SV2B: variants seen among roughly 807,000 people sequenced by gnomAD.
SV2B encodes the protein solute carrier family 22 member B2.
SV2B carries 41 observed loss-of-function variants against 73.9 expected under a neutral mutation model. The observed-to-expected ratio is 0.56, with a 90% CI of 0.43 to 0.72. The LOEUF (loss-of-function observed/expected upper bound fraction) is 0.72. Among genes scored for constraint, SV2B ranks in the 30% least tolerant of loss-of-function variants. SV2B has a pLI of 0.00. For missense variants in SV2B, 764 were observed against 857.8 expected, an observed-to-expected ratio of 0.89 and a Z score of 1.37; for synonymous variants, 314 against 314.2, an observed-to-expected ratio of 1.00 and a Z score of 0.01.
chr15:91,183,624 A>G (rs1006814255), intron 1 of SV2B, among the ~76,000 whole-genome samples: 1 of 152,202 alleles, frequency 6.6e-6, no homozygotes, highest in African/African-American at 2.4e-5. Flanking sequence ...CCCATAGCCT[A>G]AGTTCCCCTG....
chr15:91,266,500 A>C, intron 6 of SV2B, 82 bp from the exon 7 acceptor site: 1 of 1,109,036 alleles, frequency 9.0e-7, no homozygotes, highest in Non-Finnish European at 1.3e-6. Context: ...AAATCAGTTT[A>C]AATAGTTACA....
rs2042227558 is a variant in SV2B, at chr15:91,118,030, C to T, written c.-392+17667C>T. 1.3e-5 allele frequency among the ~76,000 whole-genome samples: 2 copies of T among 152,088 alleles called. No individual in the cohort carries two copies. The highest frequency in any genetic ancestry group is 1.3e-4 in the Admixed American group (2 of 15,274). On this transcript the variant is annotated intron_variant, in intron 1 of 12. Coordinates refer to ENST00000394232, the MANE Select transcript of SV2B (RefSeq NM_001323032.3). The surrounding 1 kb of genome is among the most constrained non-coding windows in gnomAD (Gnocchi z 4.7). ...GGCTTTGGGACCCACAACTCTAAGC[C>T]CCTGGGTCTATGTAAGTAGAGGGAT...
rs2048767813 is a variant in SV2B, at chr15:91,283,938, G to A, written c.1508-83G>A. The A allele has an allele frequency of 1.8e-5, 25 of 1,416,614 alleles. No homozygotes were observed. In the South Asian group the frequency reaches 3.0e-4, roughly 17 times the overall value. The allele number at this position is 1,416,614 out of a possible 1,614,324, so 87.8% of individuals were successfully genotyped here. ...GCTGGCACAGCCTGCCTACAGGAGG[G>A]GGCAGACTTCATCCCTGCCTCTGCC... On this transcript the variant is annotated intron_variant, in intron 10 of 12. Coordinates refer to ENST00000394232, the MANE Select transcript of SV2B (RefSeq NM_001323032.3). This position sits in a 1 kb window ranked among gnomAD's most constrained non-coding sequence, Gnocchi z 4.3.
intron 2 of SV2B, among the ~76,000 whole-genome samples, chr15:91,250,819 A>T (rs1223963093): frequency 6.6e-6 from 1 of 152,218 alleles, no homozygotes; most frequent in Non-Finnish European, 1.5e-5. Flanking sequence ...ACACAAATAG[A>T]TGGAAAGATA....
intron 1 of SV2B, among the ~76,000 whole-genome samples, chr15:91,207,826 A>G (rs939662739): frequency 5.3e-5 from 8 of 152,190 alleles, no homozygotes; most frequent in African/African-American, 1.9e-4. Context: ...GAACTTAACA[A>G]GGCCTGTTCA....
chr15:91,223,611 C>T lies in SV2B; in HGVS notation c.-391-2262C>T, dbSNP rs757467924. Among the ~76,000 whole-genome samples, 4 of 152,156 alleles carry T rather than the reference C, an allele frequency of 2.6e-5. No individual in the cohort carries two copies. Among genetic ancestry groups the T allele is most frequent in the East Asian group, 1.9e-4 (1 of 5,200 alleles). ...AACACACCAGATCTCAGTCAGGTGG[C>T]GTTCTTTCCATGTTTTTATAGCGCT... On this transcript the variant is annotated intron_variant, in intron 1 of 12. Coordinates refer to ENST00000394232, the MANE Select transcript of SV2B (RefSeq NM_001323032.3). This position sits in a 1 kb window ranked among gnomAD's most constrained non-coding sequence, Gnocchi z 4.6.
intron 1 of SV2B, among the ~76,000 whole-genome samples, chr15:91,131,255 G>A (rs987497639): frequency 2.0e-5 from 3 of 148,950 alleles, no homozygotes; most frequent in African/African-American, 7.5e-5. Flanking sequence ...CTCCCAAAGT[G>A]TTGGGAGGTG....
At chr15:91,275,997 C>G (rs2048472413) in intron 9 of SV2B, among the ~76,000 whole-genome samples, 1 of 150,768 alleles carries the variant, frequency 6.6e-6, no homozygotes, top group South Asian at 2.1e-4. Flanking sequence ...ATTTGTTTGT[C>G]TGATGGATCT....
At chr15:91,154,295 C>T (rs2043412797) in intron 1 of SV2B, among the ~76,000 whole-genome samples, 1 of 152,046 alleles carries the variant, frequency 6.6e-6, no homozygotes, top group Admixed American at 6.5e-5. Context: ...ATGCATTCAT[C>T]TTTTTGTAGG....
chr15:91,134,614 GAATGA>G (rs1400519036), intron 1 of SV2B, among the ~76,000 whole-genome samples: 1 of 152,160 alleles, frequency 6.6e-6, no homozygotes, highest in African/African-American at 2.4e-5. Flanking sequence ...ACAGGCTCTG[GAATGA>G]AATGTTTTGC....
At chr15:91,254,908 G>C (rs2047628550) in intron 4 of SV2B, among the ~76,000 whole-genome samples, 1 of 152,218 alleles carries the variant, frequency 6.6e-6, no homozygotes, top group African/African-American at 2.4e-5. Flanking sequence ...TGACCAATGA[G>C]AAAGGGTCTT....
chr15:91,159,945 G>A (rs1277868258), intron 1 of SV2B, among the ~76,000 whole-genome samples: 1 of 151,966 alleles, frequency 6.6e-6, no homozygotes, highest in Non-Finnish European at 1.5e-5. Context: ...TCTCAAAAAT[G>A]ATTTAGGAAA....
intron 9 of SV2B, among the ~76,000 whole-genome samples, chr15:91,270,028 G>A (rs1415961657): frequency 1.3e-5 from 2 of 152,178 alleles, no homozygotes; most frequent in Non-Finnish European, 2.9e-5. Context: ...AGTATGTCAG[G>A]AGGTCTTGTG....
At chr15:91,180,964 G>C (rs1291307387) in intron 1 of SV2B, among the ~76,000 whole-genome samples, 2 of 152,184 alleles carry the variant, frequency 1.3e-5, no homozygotes, top group East Asian at 3.8e-4. Flanking sequence ...AGGAGGAGAG[G>C]CGCTCTGCTT....
At chr15:91,147,512 C>A (rs1397752614) in intron 1 of SV2B, among the ~76,000 whole-genome samples, 1 of 152,196 alleles carries the variant, frequency 6.6e-6, no homozygotes, top group Non-Finnish European at 1.5e-5. Context: ...CTTCTGTGCT[C>A]CTTCCCCAGC....
At position 91,284,523 on chromosome 15, in the gene SV2B, C is replaced by T. The variant is rs1433927708; in HGVS notation, c.1708+302C>T. Among the ~76,000 whole-genome samples the T allele has an allele frequency of 6.6e-6, 1 of 152,200 alleles. No homozygotes were observed. Among genetic ancestry groups the T allele is most frequent in the Non-Finnish European group, 1.5e-5 (1 of 68,038 alleles). On this transcript the variant is annotated intron_variant, in intron 11 of 12. Coordinates refer to ENST00000394232, the MANE Select transcript of SV2B (RefSeq NM_001323032.3). This position sits in a 1 kb window ranked among gnomAD's most constrained non-coding sequence, Gnocchi z 4.5. The stretch of plus-strand genomic sequence containing the variant: ...AATAAGGGTAGTAATAATATCCACC[C>T]TGCCTCTTCATCCGATTATTGTCAG...
At chr15:91,213,814 C>A (rs2045940971) in intron 1 of SV2B, among the ~76,000 whole-genome samples, 1 of 152,086 alleles carries the variant, frequency 6.6e-6, no homozygotes. Flanking sequence ...AGATACTATT[C>A]CCTTTAAAGG....
chr15:91,288,663 C>T lies in SV2B; in HGVS notation c.1709-858C>T, dbSNP rs963618176. Among the ~76,000 whole-genome samples the T allele has an allele frequency of 6.6e-6, 1 of 150,712 alleles. No homozygotes were observed. Among genetic ancestry groups the T allele is most frequent in the Non-Finnish European group, 1.5e-5 (1 of 67,694 alleles). Reference sequence around the variant, plus strand: ...TTTCTTTCTCTCTCTCTCTCTCCTTCCTTCCTTCCTTCTTTTTCTCTTTCT... The same window carrying T: ...TTTCTTTCTCTCTCTCTCTCTCCTTTCTTCCTTCCTTCTTTTTCTCTTTCT... On this transcript the variant is annotated intron_variant, in intron 11 of 12. Coordinates refer to ENST00000394232, the MANE Select transcript of SV2B (RefSeq NM_001323032.3). This position sits in a 1 kb window ranked among gnomAD's most constrained non-coding sequence, Gnocchi z 5.8.
intron 1 of SV2B, among the ~76,000 whole-genome samples, chr15:91,113,912 T>C (rs2042104970): frequency 6.6e-6 from 1 of 152,050 alleles, no homozygotes. Flanking sequence ...TTGTGCACAA[T>C]AATAGGTGCC....
Sources: gnomAD v4.1 joint callset for allele counts (sites outside exome capture counted in the v4.1 genomes callset) on GRCh38, gnomAD v4.1.1 for gene constraint, Gnocchi (gnomAD v3.1) non-coding constraint, MANE v1.5 for transcripts, NCBI Gene and HGNC (gene_info 2026-07-23, HGNC 2026-07-21) for gene names.